LINGO2: variants seen among roughly 807,000 people sequenced by gnomAD.
LINGO2 encodes leucine-rich repeat and immunoglobulin-like domain-containing nogo receptor-interacting protein 2.
In LINGO2, 14 loss-of-function variants were observed where a neutral mutation model predicts 30.6. The ratio of observed to expected loss-of-function variants is 0.46; its 90% CI spans 0.30 to 0.72. The LOEUF (loss-of-function observed/expected upper bound fraction) is 0.72. LINGO2 is among the 30% of genes least tolerant of loss of function. The pLI, the probability that LINGO2 is intolerant of heterozygous loss-of-function variation, is 0.07. For synonymous variants in LINGO2, 317 were observed against 288.5 expected (o/e 1.10, Z -1.00); for missense variants, 729 against 751.7 (o/e 0.97, Z 0.35).
chr9:28,370,685 T>C (rs1348569532), intron 3 of LINGO2, among the ~76,000 whole-genome samples: 1 of 152,114 alleles, frequency 6.6e-6, no homozygotes, highest in African/African-American at 2.4e-5. Flanking sequence ...TGGTATGAAA[T>C]GTGTTGTTAC....
chr9:28,678,437 G>C, the LINGO2 span, among the ~76,000 whole-genome samples: 1 of 152,048 alleles, frequency 6.6e-6, no homozygotes, highest in Non-Finnish European at 1.5e-5. Context: ...TTGATATTCT[G>C]TTTGGCTTCC....
intron 1 of LINGO2, among the ~76,000 whole-genome samples, chr9:28,539,123 A>C (rs563105199): frequency 1.3e-5 from 2 of 152,232 alleles, no homozygotes; most frequent in South Asian, 2.1e-4. Context: ...GTTGAAATTA[A>C]AGATATAAAA....
intron 3 of LINGO2, among the ~76,000 whole-genome samples, chr9:28,303,606 G>T (rs368126783): frequency 6.6e-6 from 1 of 152,038 alleles, no homozygotes; most frequent in Non-Finnish European, 1.5e-5. Flanking sequence ...AGATTAACAC[G>T]TGTTTTGTGT....
At chr9:28,198,324 A>T (rs1208669957) in intron 4 of LINGO2, among the ~76,000 whole-genome samples, 2 of 152,122 alleles carry the variant, frequency 1.3e-5, no homozygotes, top group Admixed American at 6.5e-5. Context: ...TTCTGTATAA[A>T]TGTGCATGGA....
chr9:28,989,785 T>A, the LINGO2 span, among the ~76,000 whole-genome samples: 1 of 152,328 alleles, frequency 6.6e-6, no homozygotes, highest in East Asian at 1.9e-4. Context: ...GCCATGAGAT[T>A]AAGTTTTAGA....
the LINGO2 span, among the ~76,000 whole-genome samples, chr9:28,929,493 G>A: frequency 2.0e-5 from 3 of 152,130 alleles, no homozygotes; most frequent in East Asian, 5.8e-4. Context: ...CTCAGGAAAT[G>A]ACAGTTACCC....
At chr9:28,769,506 ATATATATATATATTTTTTTTTTTTTTT>A in the LINGO2 span, among the ~76,000 whole-genome samples, 143 of 2,874 alleles carry the variant, frequency 0.05, 17 homozygotes, top group Middle Eastern at 0.17. Flanking sequence ...ATATATATAT[ATATATATATATATTTTTTTTTTTTTTT>A]TTTTTTTTTT....
intron 1 of LINGO2, among the ~76,000 whole-genome samples, chr9:28,608,820 G>A (rs1343365581): frequency 1.3e-5 from 2 of 151,838 alleles, no homozygotes; most frequent in Admixed American, 6.6e-5. Context: ...TTTTACAAGT[G>A]TAAAAAGCTA....
chr9:29,168,645 A>G, the LINGO2 span, among the ~76,000 whole-genome samples: 1 of 152,236 alleles, frequency 6.6e-6, no homozygotes, highest in South Asian at 2.1e-4. Context: ...GAAGATGTGA[A>G]ACCTGGCACT....
chr9:28,022,834 A>G (rs1027577468), intron 4 of LINGO2, among the ~76,000 whole-genome samples: 6 of 151,036 alleles, frequency 4.0e-5, no homozygotes, highest in Non-Finnish European at 7.4e-5. Context: ...ACCTTTTGAA[A>G]TTGTCCTACA....
the LINGO2 span, among the ~76,000 whole-genome samples, chr9:29,119,365 G>GCA: frequency 5.4e-3 from 821 of 151,136 alleles, 9 homozygotes; most frequent in African/African-American, 0.019. Context: ...ACGTGTGCGC[G>GCA]CACACACACA....
At chr9:28,547,223 G>A (rs555432516) in intron 1 of LINGO2, among the ~76,000 whole-genome samples, 10 of 152,070 alleles carry the variant, frequency 6.6e-5, no homozygotes, top group African/African-American at 2.4e-4. Context: ...ATGTGAAAAG[G>A]GTACAAAGCA....
the LINGO2 span, among the ~76,000 whole-genome samples, chr9:28,911,109 A>G: frequency 6.6e-6 from 1 of 152,034 alleles, no homozygotes; most frequent in Non-Finnish European, 1.5e-5. Context: ...GAGAGGGAAT[A>G]TATGATCTGG....
chr9:28,233,061 T>TATATATATATATATATATATATATAA (rs60875467), intron 4 of LINGO2, among the ~76,000 whole-genome samples: 18 of 118,816 alleles, frequency 1.5e-4, no homozygotes, highest in South Asian at 2.6e-4. Flanking sequence ...TATATATATA[T>TATATATATATATATATATATATATAA]TAGATATATA....
the LINGO2 span, among the ~76,000 whole-genome samples, chr9:29,110,173 T>C: frequency 6.6e-6 from 1 of 151,826 alleles, no homozygotes; most frequent in Non-Finnish European, 1.5e-5. Context: ...TATTTAAACA[T>C]GTAATTAGCC....
At chr9:28,953,874 T>C in the LINGO2 span, among the ~76,000 whole-genome samples, 2 of 152,166 alleles carry the variant, frequency 1.3e-5, no homozygotes, top group Non-Finnish European at 2.9e-5. Flanking sequence ...CTATCTCTTA[T>C]TGTGAATGGA....
intron 4 of LINGO2, among the ~76,000 whole-genome samples, chr9:28,212,419 G>T (rs1820623549): frequency 6.6e-6 from 1 of 151,390 alleles, no homozygotes; most frequent in South Asian, 2.1e-4. Context: ...ACTCTCAACT[G>T]CTATCTGCTA....
intron 5 of LINGO2, among the ~76,000 whole-genome samples, chr9:27,978,400 G>T (rs12236776): frequency 0.016 from 2,508 of 152,154 alleles, 110 homozygotes; most frequent in East Asian, 0.16. Context: ...TAACCCCCAA[G>T]GTGATGGCAT....
the LINGO2 span, among the ~76,000 whole-genome samples, chr9:28,741,952 GC>G: frequency 2.0e-5 from 3 of 151,976 alleles, no homozygotes; most frequent in African/African-American, 7.3e-5. Flanking sequence ...TGGAGCCCCT[GC>G]AGTCAGTTTG....
Sources: gnomAD v4.1 joint callset for allele counts (sites outside exome capture counted in the v4.1 genomes callset) on GRCh38, gnomAD v4.1.1 for gene constraint, MANE v1.5 for transcripts, NCBI Gene and HGNC (gene_info 2026-07-23, HGNC 2026-07-21) for gene names.